The following PAPPA2 variants were observed in gnomAD, a reference collection of about 807,000 sequenced individuals.
PAPPA2 encodes the protein pappalysin 2, also known as pappalysin-2.
In PAPPA2, 86 loss-of-function variants were observed where a neutral mutation model predicts 176.4. The observed-to-expected ratio is 0.49, with a 90% CI of 0.41 to 0.58. PAPPA2 has a LOEUF of 0.58. Ranked by LOEUF, PAPPA2 falls within the 20% of genes least tolerant of loss-of-function variation. PAPPA2 has a pLI of 0.00. For missense variants in PAPPA2, 2,073 were observed against 2,256.9 expected, an observed-to-expected ratio of 0.92 and a Z score of 1.65; for synonymous variants, 809 against 852.2, an observed-to-expected ratio of 0.95 and a Z score of 0.88.
At chr1:176,724,985 C>G (rs1661798170) in intron 12 of PAPPA2, among the ~76,000 whole-genome samples, 1 of 152,002 alleles carries the variant, frequency 6.6e-6, no homozygotes, top group African/African-American at 2.4e-5. Context: ...ATGGTCCTTT[C>G]TCTCTACACC....
At chr1:176,643,475 A>T (rs1425487580) in intron 3 of PAPPA2, among the ~76,000 whole-genome samples, 1 of 151,176 alleles carries the variant, frequency 6.6e-6, no homozygotes, top group South Asian at 2.1e-4. Context: ...TTCACAGGCC[A>T]TATAAAACTA....
chr1:176,785,283 C>A (rs1664887101), intron 17 of PAPPA2, among the ~76,000 whole-genome samples: 1 of 152,090 alleles, frequency 6.6e-6, no homozygotes, highest in Non-Finnish European at 1.5e-5. Flanking sequence ...AAGCTGGGAT[C>A]CATGAAATGA....
At chr1:176,514,555 T>G (rs1482559676) in intron 1 of PAPPA2, among the ~76,000 whole-genome samples, 1 of 152,182 alleles carries the variant, frequency 6.6e-6, no homozygotes, top group Non-Finnish European at 1.5e-5. Context: ...TTGACTTAAG[T>G]CAAAACCTCA....
chr1:176,685,084 CTT>C (rs71644479), intron 4 of PAPPA2, among the ~76,000 whole-genome samples: 3 of 144,494 alleles, frequency 2.1e-5, no homozygotes, highest in African/African-American at 7.6e-5. Flanking sequence ...CCCCACCTTC[CTT>C]TTTTTTTTTT....
intron 1 of PAPPA2, among the ~76,000 whole-genome samples, chr1:176,554,285 G>C (rs1323391417): frequency 2.0e-5 from 3 of 152,204 alleles, no homozygotes; most frequent in Non-Finnish European, 4.4e-5. Flanking sequence ...GCATGTTTTA[G>C]ATGTGGGCAA....
intron 3 of PAPPA2, among the ~76,000 whole-genome samples, chr1:176,669,182 G>A (rs568353281): frequency 6.6e-6 from 1 of 152,234 alleles, no homozygotes; most frequent in South Asian, 2.1e-4. Flanking sequence ...ATTTTAATTG[G>A]AACCCAAGAA....
At position 176,690,427 on chromosome 1, in the gene PAPPA2, A is replaced by G. The variant is rs763860072; in HGVS notation, c.2428A>G (p.Thr810Ala). ...GAPFTNYMSY[T>A]DDNCTDNFTP... is the part of the protein sequence containing the mutation. The stretch of plus-strand genomic sequence containing the variant: ...TCCGTTCACCAACTACATGAGCTAC[A>G]CGGGTATCACCACTGTCTTGTTTTG... Residue 810 changes from threonine (T) to alanine (A), a missense_variant, in exon 5 of 23, where the codon ACG becomes GCG. Around this residue, in one of 4 missense-constraint regions of PAPPA2, gnomAD observed 1,196 missense variants for 1,330.4 expected, o/e 0.90. Transcript: ENST00000367662. The G allele has an allele frequency of 6.2e-7, 1 of 1,613,914 alleles. No individual in the cohort carries two copies. Among genetic ancestry groups the G allele is most frequent in the Admixed American group, 1.7e-5 (1 of 60,020 alleles).
chr1:176,777,849 A>G (rs1417286684), intron 17 of PAPPA2, among the ~76,000 whole-genome samples: 1 of 152,056 alleles, frequency 6.6e-6, no homozygotes, highest in South Asian at 2.1e-4. Flanking sequence ...TATCATTACC[A>G]TCATCATCAT....
chr1:176,560,873 G>A (rs887255704), intron 2 of PAPPA2, among the ~76,000 whole-genome samples: 2 of 152,238 alleles, frequency 1.3e-5, no homozygotes, highest in Non-Finnish European at 2.9e-5. Flanking sequence ...GCTCCAAGTT[G>A]CAGGAGACTG....
At chr1:176,696,335 C>T (rs1660381286) in intron 7 of PAPPA2, among the ~76,000 whole-genome samples, 2 of 137,744 alleles carry the variant, frequency 1.5e-5, no homozygotes, top group African/African-American at 5.5e-5. Flanking sequence ...GCAGAGAAAA[C>T]TCATGTACTG....
In PAPPA2 at chr1:176,711,845, C is replaced by G; in HGVS notation, c.3662C>G (p.Ser1221Ter). The change falls in exon 12 of 23, where the codon TCA becomes TGA. Residue 1221 changes from serine to a stop codon, truncating the protein, a stop_gained. Coordinates refer to ENST00000367662, the MANE Select transcript of PAPPA2 (RefSeq NM_020318.3). LOFTEE classifies it high-confidence loss of function. ...GAAATTGTATTTCAGATTTGCACAT[C>G]ATACCATCCAGATTTACCCAACCAC... Reference protein sequence around the residue: ...TGEPHSLICTSYHPDLPNHRP... With the variant: ...TGEPHSLICT 1 of 1,606,008 alleles carries G rather than the reference C, an allele frequency of 6.2e-7. No individual in the cohort carries two copies. The highest frequency in any genetic ancestry group is 8.5e-7 in the Non-Finnish European group (1 of 1,173,064).
chr1:176,507,586 T>G (rs1171502132), intron 1 of PAPPA2, among the ~76,000 whole-genome samples: 1 of 152,190 alleles, frequency 6.6e-6, no homozygotes, highest in Non-Finnish European at 1.5e-5. Context: ...ATATACATCA[T>G]GGAATACTAC....
chr1:176,612,589 G>C (rs1654993437), intron 3 of PAPPA2, among the ~76,000 whole-genome samples: 2 of 152,114 alleles, frequency 1.3e-5, no homozygotes, highest in African/African-American at 2.4e-5. Context: ...CGATTTACAA[G>C]ATGAAAACAA....
chr1:176,671,146 A>T (rs763553036), intron 4 of PAPPA2, 31 bp downstream of exon 4: 7 of 1,604,936 alleles, frequency 4.4e-6, no homozygotes, highest in Non-Finnish European at 5.1e-6. Context: ...ACATAGTAGG[A>T]AAAAAACAAA....
intron 1 of PAPPA2, among the ~76,000 whole-genome samples, chr1:176,516,523 T>C (rs1210677334): frequency 1.3e-5 from 2 of 152,130 alleles, no homozygotes; most frequent in Non-Finnish European, 2.9e-5. Flanking sequence ...GTGGGGCCTT[T>C]AGGAGGTGAT....
At chr1:176,537,402 G>C (rs1452068094) in intron 1 of PAPPA2, 1 of 152,130 alleles carries the variant, frequency 6.6e-6, no homozygotes, top group Non-Finnish European at 1.5e-5. Flanking sequence ...TGTATCCAAT[G>C]CTTTCTAATT....
chr1:176,830,403 G>A (rs80351049), intron 21 of PAPPA2, among the ~76,000 whole-genome samples: 101 of 152,242 alleles, frequency 6.6e-4, no homozygotes, highest in African/African-American at 1.9e-3. Context: ...TGGATACTGC[G>A]CTGATGCACA....
chr1:176,480,729 C>T (rs1264559272), intron 1 of PAPPA2, among the ~76,000 whole-genome samples: 2 of 152,108 alleles, frequency 1.3e-5, no homozygotes, highest in African/African-American at 4.8e-5. Flanking sequence ...CAGTAATTTC[C>T]TTCCATGACA....
At chr1:176,584,893 C>A (rs1653216868) in intron 2 of PAPPA2, among the ~76,000 whole-genome samples, 1 of 152,102 alleles carries the variant, frequency 6.6e-6, no homozygotes, top group Non-Finnish European at 1.5e-5. Context: ...AGCAGCACGC[C>A]TGGCTAATTT....
Sources: allele counts gnomAD v4.1 joint callset (sites outside exome capture counted in the v4.1 genomes callset), GRCh38; gene constraint gnomAD v4.1.1; regional missense constraint gnomAD v4.1.1; transcripts MANE v1.5; gene names NCBI Gene and HGNC (gene_info 2026-07-23, HGNC 2026-07-21).